Variants in EXOC4 observed in about 807,000 individuals in gnomAD.
EXOC4 encodes the protein SEC8-like 1.
EXOC4 carries 71 observed loss-of-function variants against 107.2 expected under a neutral mutation model. The observed-to-expected ratio is 0.66, with a 90% CI of 0.55 to 0.81. The LOEUF is 0.81. Among genes scored for constraint, EXOC4 ranks in the 30% least tolerant of loss-of-function variants. The probability of loss-of-function intolerance (pLI) is 0.00; values close to 1 mark genes in which losing one functional copy is unlikely to be tolerated. For missense variants in EXOC4, 1,108 were observed against 1,189.6 expected, an observed-to-expected ratio of 0.93 and a Z score of 1.01; for synonymous variants, 456 against 441.2, an observed-to-expected ratio of 1.03 and a Z score of -0.42.
intron 1 of EXOC4, among the ~76,000 whole-genome samples, chr7:133,260,914 A>G (rs1259592383): frequency 6.6e-6 from 1 of 151,914 alleles, no homozygotes; most frequent in African/African-American, 2.4e-5. Context: ...TAAAAAATGC[A>G]TTCTTTTTCT....
chr7:133,289,157 T>C (rs764147264), intron 3 of EXOC4, 41 bp downstream of exon 3: 3 of 1,558,758 alleles, frequency 1.9e-6, no homozygotes, highest in Non-Finnish European at 2.6e-6. Context: ...TTTGTTAAGA[T>C]GTAAAAGCAC....
At chr7:134,084,329 A>G in the EXOC4 span, among the ~76,000 whole-genome samples, 5,637 of 152,296 alleles carry the variant, frequency 0.037, 325 homozygotes, top group African/African-American at 0.12. Context: ...AGCTCTTGCC[A>G]GTGTTACAGA....
intron 7 of EXOC4, among the ~76,000 whole-genome samples, chr7:133,438,070 A>C (rs1377083823): frequency 6.6e-6 from 1 of 152,206 alleles, no homozygotes; most frequent in Admixed American, 6.5e-5. Context: ...GCTAACTCTA[A>C]CAAGATACTT....
chr7:133,498,635 A>G (rs980505529), intron 9 of EXOC4, among the ~76,000 whole-genome samples: 1 of 152,178 alleles, frequency 6.6e-6, no homozygotes, highest in African/African-American at 2.4e-5. Flanking sequence ...GCTTCTACCC[A>G]GGTTCTAACT....
intron 10 of EXOC4, among the ~76,000 whole-genome samples, chr7:133,684,396 T>C (rs987689733): frequency 6.6e-6 from 1 of 152,284 alleles, no homozygotes; most frequent in South Asian, 2.1e-4. Context: ...AATTACCATA[T>C]TTTGGATTGG....
chr7:134,064,537 A>G lies in EXOC4; in HGVS notation c.*9A>G. 2 of 1,551,452 alleles carry G rather than the reference A, an allele frequency of 1.3e-6. No homozygotes were observed. Among genetic ancestry groups the G allele is most frequent in the Non-Finnish European group, 1.8e-6 (2 of 1,142,422 alleles). The stretch of plus-strand genomic sequence containing the variant: ...AGATAACTACCGTTTAGCAGGGCGT[A>G]CTGCGGTTGGTGACGGGGGTCCCCT... On this transcript the variant is annotated 3_prime_UTR_variant, in exon 18 of 18. Transcript: ENST00000253861.
chr7:133,388,804 A>G (rs930768828), intron 7 of EXOC4, among the ~76,000 whole-genome samples: 1 of 152,184 alleles, frequency 6.6e-6, no homozygotes, highest in African/African-American at 2.4e-5. Context: ...TGATTAATAC[A>G]TTAAGATTCT....
chr7:133,665,180 T>G (rs1793784376), intron 10 of EXOC4, among the ~76,000 whole-genome samples: 1 of 152,220 alleles, frequency 6.6e-6, no homozygotes, highest in Non-Finnish European at 1.5e-5. Flanking sequence ...TATACTGATT[T>G]CTTCCACTTT....
chr7:134,032,850 C>T lies in EXOC4; in HGVS notation c.2687+25015C>T, dbSNP rs184554129. Among the ~76,000 whole-genome samples the T allele has an allele frequency of 1.1e-4, 16 of 152,328 alleles. No homozygotes were observed. The East Asian group carries it at 3.1e-3, about 29-fold the overall frequency. On this transcript the variant is annotated intron_variant, in intron 17 of 17. Transcript: ENST00000253861. ...GCAATATTCTGCCCCTTCCTGACCA[C>T]TGGGCAAAGATTAATGCCATGCATT...
rs374703057 is a variant in EXOC4 at position 133,568,627 on chromosome 7, A to G, written c.1418-61418A>G. ...TTTCATTGAGTATCATTTATGTACC[A>G]GGAAATTAGGTGGGTGTCCCTCATA... is the stretch of plus-strand genomic sequence containing the variant. On this transcript the variant is annotated intron_variant, in intron 9 of 17. Coordinates refer to ENST00000253861, the MANE Select transcript of EXOC4 (RefSeq NM_021807.4). Among the ~76,000 whole-genome samples, 456 of 152,276 alleles carry G rather than the reference A, an allele frequency of 3.0e-3. 2 individuals carry two copies. The highest frequency in any genetic ancestry group is 0.01 in the African/African-American group (429 of 41,562).
chr7:133,431,558 A>G (rs1260897447), intron 7 of EXOC4, among the ~76,000 whole-genome samples: 1 of 152,200 alleles, frequency 6.6e-6, no homozygotes, highest in Non-Finnish European at 1.5e-5. Context: ...TTCTTTCCTA[A>G]TCACTCTTGC....
At chr7:134,069,116 C>G (rs577766092), downstream of EXOC4, among the ~76,000 whole-genome samples, 1 of 152,284 alleles carries the variant, frequency 6.6e-6, no homozygotes, top group East Asian at 1.9e-4. Flanking sequence ...TGTGCACTCT[C>G]TTCTGAGCTT....
chr7:133,630,440 A>C (rs999019591), intron 10 of EXOC4, among the ~76,000 whole-genome samples: 2 of 151,316 alleles, frequency 1.3e-5, no homozygotes, highest in African/African-American at 4.9e-5. Context: ...TATCTATCTC[A>C]GGAGTTGGAA....
intron 9 of EXOC4, chr7:133,484,112 G>C: frequency 1.2e-6 from 2 of 1,612,464 alleles, no homozygotes; most frequent in East Asian, 4.5e-5. Flanking sequence ...CAAAAGTTAA[G>C]TTCCTGCCAA....
At chr7:134,052,985 CATAGACTGCTT>C (rs1375686927) in intron 17 of EXOC4, among the ~76,000 whole-genome samples, 1 of 152,192 alleles carries the variant, frequency 6.6e-6, no homozygotes, top group Non-Finnish European at 1.5e-5. Flanking sequence ...GTCAGAGAAT[CATAGACTGCTT>C]TTTAGATTGT....
intron 11 of EXOC4, among the ~76,000 whole-genome samples, chr7:133,857,919 C>T (rs561615769): frequency 1.3e-5 from 2 of 152,246 alleles, no homozygotes; most frequent in Non-Finnish European, 2.9e-5. Context: ...CTCACTCTGG[C>T]GTACAGCTCC....
At chr7:133,915,739 T>A (rs116443378) in intron 12 of EXOC4, among the ~76,000 whole-genome samples, 1,887 of 152,044 alleles carry the variant, frequency 0.012, 35 homozygotes, top group African/African-American at 0.043. Flanking sequence ...ACAGAAAAGA[T>A]GCAAGGAAAT....
intron 5 of EXOC4, among the ~76,000 whole-genome samples, chr7:133,340,682 T>A (rs1304181801): frequency 1.3e-5 from 2 of 152,060 alleles, no homozygotes; most frequent in Admixed American, 6.5e-5. Flanking sequence ...GGCAATTTTT[T>A]AATTACCATT....
chr7:133,777,390 G>T (rs1487963323), intron 10 of EXOC4, among the ~76,000 whole-genome samples: 2 of 152,052 alleles, frequency 1.3e-5, no homozygotes, highest in African/African-American at 2.4e-5. Flanking sequence ...AGGAAACGTT[G>T]TTACTGAATT....
Sources: gnomAD v4.1 joint callset for allele counts (sites outside exome capture counted in the v4.1 genomes callset) on GRCh38, gnomAD v4.1.1 for gene constraint, MANE v1.5 for transcripts, NCBI Gene and HGNC (gene_info 2026-07-23, HGNC 2026-07-21) for gene names.